The following THSD4 variants were observed in gnomAD, a reference collection of about 807,000 sequenced individuals.
The protein encoded by THSD4 is thrombospondin type 1 domain containing 4.
In THSD4, 69 loss-of-function variants were observed where a neutral mutation model predicts 119.0. The observed-to-expected ratio is 0.58, with a 90% confidence interval of 0.48 to 0.71. The LOEUF is 0.71. Among genes scored for constraint, THSD4 ranks in the 30% least tolerant of loss-of-function variants. THSD4 has a pLI of 0.00. For missense variants in THSD4, 1,393 were observed against 1,391.1 expected (o/e 1.00, Z -0.02); for synonymous variants, 524 against 540.4 (o/e 0.97, Z 0.42).
intron 7 of THSD4, chr15:71,547,360 C>T: frequency 1.3e-6 from 2 of 1,548,430 alleles, no homozygotes; most frequent in Non-Finnish European, 1.7e-6. Context: ...TAGCTGTTAG[C>T]ACTTGGCAGA....
rs558119522 is a variant in THSD4, at chr15:71,701,019, A to G, written c.1358-27530A>G. On this transcript the variant is annotated intron_variant, in intron 8 of 17. Coordinates refer to ENST00000261862, the MANE Select transcript of THSD4 (RefSeq NM_024817.3). Reference sequence around the variant, plus strand: ...CTTTTGGCCTCTATAAGCATTAAAAAGGTTTACAAATCTGATTTAATAAGA... The same window carrying G: ...CTTTTGGCCTCTATAAGCATTAAAAGGGTTTACAAATCTGATTTAATAAGA... Among the ~76,000 whole-genome samples, 95 of 152,264 alleles carry G rather than the reference A, an allele frequency of 6.2e-4. 1 individual carries two copies. The East Asian group carries it at 0.014, about 23-fold the overall frequency.
chr15:71,752,269 A>T (rs1342176967), intron 14 of THSD4, among the ~76,000 whole-genome samples: 1 of 152,218 alleles, frequency 6.6e-6, no homozygotes, highest in East Asian at 1.9e-4. Context: ...TTTTCCAAAG[A>T]TTTCCACTCT....
At chr15:71,711,968 G>A (rs2052526177) in intron 8 of THSD4, among the ~76,000 whole-genome samples, 1 of 152,110 alleles carries the variant, frequency 6.6e-6, no homozygotes. Flanking sequence ...GGACACTTTA[G>A]TCTTCTTCTT....
At chr15:71,435,031 G>GAA (rs1370371454) in intron 7 of THSD4, among the ~76,000 whole-genome samples, 3 of 152,326 alleles carry the variant, frequency 2.0e-5, no homozygotes, top group African/African-American at 7.2e-5. Context: ...GAAACTTAAA[G>GAA]ATGAGCTGCA....
chr15:71,697,982 G>T (rs1415407853), intron 8 of THSD4, among the ~76,000 whole-genome samples: 1 of 151,916 alleles, frequency 6.6e-6, no homozygotes. Context: ...TTCAGCACGT[G>T]AATGAGACAC....
At chr15:71,268,991 A>G (rs1430196255) in intron 6 of THSD4, among the ~76,000 whole-genome samples, 1 of 152,238 alleles carries the variant, frequency 6.6e-6, no homozygotes, top group Non-Finnish European at 1.5e-5. Context: ...AACCAAAAAA[A>G]GCCCAGGACC....
At chr15:71,312,740 C>T (rs1050520654) in intron 6 of THSD4, among the ~76,000 whole-genome samples, 1 of 152,088 alleles carries the variant, frequency 6.6e-6, no homozygotes, top group Non-Finnish European at 1.5e-5. Flanking sequence ...CTCGGGCTCC[C>T]ACTCCCCACT....
chr15:71,397,725 C>T (rs764997245), intron 6 of THSD4, among the ~76,000 whole-genome samples: 3 of 152,288 alleles, frequency 2.0e-5, no homozygotes, highest in Admixed American at 2.0e-4. Flanking sequence ...GAATTTGAAT[C>T]CTGGTGGCTC....
chr15:71,163,421 C>T (rs760916395), intron 3 of THSD4, among the ~76,000 whole-genome samples: 14 of 151,956 alleles, frequency 9.2e-5, no homozygotes, highest in East Asian at 1.9e-4. Flanking sequence ...ATTATAAGAA[C>T]GCTATTTTAA....
chr15:71,377,111 G>T (rs1334680269), intron 6 of THSD4, among the ~76,000 whole-genome samples: 1 of 152,228 alleles, frequency 6.6e-6, no homozygotes. Context: ...ACACTCCCAG[G>T]AGGGAATCAA....
intron 7 of THSD4, among the ~76,000 whole-genome samples, chr15:71,598,935 A>T (rs1319262195): frequency 6.6e-6 from 1 of 152,124 alleles, no homozygotes; most frequent in Non-Finnish European, 1.5e-5. Context: ...TTTTTTAAAG[A>T]TTGACAAAGG....
intron 6 of THSD4, among the ~76,000 whole-genome samples, chr15:71,389,949 C>T (rs968488975): frequency 6.6e-6 from 1 of 151,474 alleles, no homozygotes; most frequent in Non-Finnish European, 1.5e-5. Flanking sequence ...GGACTACAGG[C>T]GCCCACCACC....
intron 7 of THSD4, among the ~76,000 whole-genome samples, chr15:71,430,875 C>T (rs1298540175): frequency 6.6e-6 from 1 of 151,390 alleles, no homozygotes; most frequent in Admixed American, 6.6e-5. Flanking sequence ...CTATTGGCTT[C>T]ATAATGTCAG....
In THSD4 at chr15:71,783,124, A is replaced by G. The variant is rs907678563; in HGVS notation, c.*5750A>G. On this transcript the variant is annotated 3_prime_UTR_variant, in exon 18 of 18. Transcript: ENST00000261862. ...ACTCCGTCACCTCCATGTCCCCTCT[A>G]CAGTGTTAAATTATTACATAAGCAG... 6.6e-6 allele frequency: 1 copy of G among 152,220 alleles called. No individual in the cohort carries two copies. The highest frequency in any genetic ancestry group is 2.4e-5 in the African/African-American group (1 of 41,452). The allele number at this position is 152,220 out of a possible 1,614,324, so 9.4% of individuals were successfully genotyped here.
chr15:71,197,733 GC>G (rs2043732679), intron 3 of THSD4, among the ~76,000 whole-genome samples: 1 of 152,048 alleles, frequency 6.6e-6, no homozygotes, highest in African/African-American at 2.4e-5. Context: ...CGCATCTGCT[GC>G]CCCCACTGGA....
At chr15:71,167,930 A>G (rs2043309992) in intron 3 of THSD4, among the ~76,000 whole-genome samples, 1 of 152,220 alleles carries the variant, frequency 6.6e-6, no homozygotes, top group Admixed American at 6.5e-5. Flanking sequence ...AATGCTGCTC[A>G]GGTGACTTGA....
intron 6 of THSD4, among the ~76,000 whole-genome samples, chr15:71,301,203 A>C (rs1046051420): frequency 2.0e-5 from 3 of 152,182 alleles, no homozygotes; most frequent in African/African-American, 7.2e-5. Context: ...ACTCAGAAAT[A>C]ACTTCCATTA....
At chr15:71,361,124 T>C (rs957734942) in intron 6 of THSD4, among the ~76,000 whole-genome samples, 11 of 152,140 alleles carry the variant, frequency 7.2e-5, no homozygotes, top group African/African-American at 2.7e-4. Flanking sequence ...TTGTAGAGCA[T>C]GGAGGGCCCT....
chr15:71,727,854 C>T (rs1448161384), intron 8 of THSD4, among the ~76,000 whole-genome samples: 2 of 151,308 alleles, frequency 1.3e-5, no homozygotes, highest in Admixed American at 1.3e-4. Flanking sequence ...TATAAATCAC[C>T]CATATTCATA....
Sources: allele counts gnomAD v4.1 joint callset (sites outside exome capture counted in the v4.1 genomes callset), GRCh38; gene constraint gnomAD v4.1.1; transcripts MANE v1.5; gene names NCBI Gene and HGNC (gene_info 2026-07-23, HGNC 2026-07-21).